HEPH: variants seen among roughly 807,000 people sequenced by gnomAD.
HEPH encodes hephaestin.
A neutral mutation model predicts 80.8 loss-of-function variants in HEPH; 69 were observed. That is an observed-to-expected ratio of 0.85 (90% CI 0.70 to 1.04). The LOEUF (loss-of-function observed/expected upper bound fraction) is 1.04, where lower values mean the gene tolerates loss of function less well. Ranked by LOEUF, HEPH falls within the 50% of genes least tolerant of loss-of-function variation. HEPH has a pLI of 0.00. For synonymous variants in HEPH, 431 were observed against 322.8 expected (o/e 1.34, Z -3.60); for missense variants, 1,115 against 891.3 (o/e 1.25, Z -3.20).
chrX:66,261,001 CCTT>C (rs1398886805), intron 19 of HEPH, among the ~76,000 whole-genome samples: 1 of 111,937 alleles, frequency 8.9e-6, no homozygotes, highest in South Asian at 3.7e-4. Flanking sequence ...CTCTTGGCCT[CCTT>C]CTGCAGCAGC....
At chrX:66,235,941 G>A (rs1376801211) in intron 15 of HEPH, among the ~76,000 whole-genome samples, 1 of 111,645 alleles carries the variant, frequency 9.0e-6, no homozygotes, top group African/African-American at 3.3e-5. Flanking sequence ...TGTTGTTGGT[G>A]TATAGGAATG....
At chrX:66,162,910 C>T, upstream of HEPH, 1 of 1,130,715 alleles carries the variant, frequency 8.8e-7, no homozygotes, top group Non-Finnish European at 1.2e-6. Flanking sequence ...CCCCATCATA[C>T]CTGTCCCCTT....
At chrX:66,225,600 T>A (rs1186749017) in intron 15 of HEPH, among the ~76,000 whole-genome samples, 2 of 112,551 alleles carry the variant, frequency 1.8e-5, no homozygotes, top group African/African-American at 3.2e-5. Flanking sequence ...GGACTCCAGG[T>A]GCCATTTCCT....
At chrX:66,186,936 C>A (rs1232600248) in intron 4 of HEPH, among the ~76,000 whole-genome samples, 1 of 110,650 alleles carries the variant, frequency 9.0e-6, no homozygotes, top group Non-Finnish European at 1.9e-5. Flanking sequence ...ATTCTTTTTT[C>A]TTTGTCTTTG....
chrX:66,189,731 G>A lies in HEPH; in HGVS notation c.856G>A (p.Ala286Thr), dbSNP rs917813545. The A allele has an allele frequency of 5.0e-6, 6 of 1,210,976 alleles. No homozygotes were observed. Among genetic ancestry groups the A allele is most frequent in the Admixed American group, 4.3e-5 (2 of 45,985 alleles). ...GAATTTACCTGAGCTGAACATGTGT[G>A]CACAGAAACGTGTGGCCTGGCACTT... is the stretch of plus-strand genomic sequence containing the variant. ...FGNLPELNMC[A>T]QKRVAWHLFG... Residue 286 changes from alanine (A) to threonine (T), a missense_variant, in exon 6 of 21, where the codon GCA (alanine) becomes ACA (threonine). Ala to Thr is a moderately conservative substitution (Grantham distance 58, BLOSUM62 0). Around this residue, in one of 3 missense-constraint regions of HEPH, gnomAD observed 391 missense variants for 343.6 expected, o/e 1.14. Transcript: ENST00000343002.
intron 15 of HEPH, among the ~76,000 whole-genome samples, chrX:66,219,941 G>C (rs1310277468): frequency 9.0e-6 from 1 of 111,542 alleles, no homozygotes; most frequent in African/African-American, 3.3e-5. Context: ...TTCTTAGTGT[G>C]GTTTGAACTC....
intron 13 of HEPH, among the ~76,000 whole-genome samples, chrX:66,204,518 A>G (rs1435486258): frequency 8.9e-6 from 1 of 112,444 alleles, no homozygotes; most frequent in East Asian, 2.8e-4. Flanking sequence ...TAGACATACA[A>G]TTATGAAAAC....
intron 15 of HEPH, among the ~76,000 whole-genome samples, chrX:66,241,372 A>T (rs2090572093): frequency 1.8e-5 from 2 of 111,749 alleles, no homozygotes; most frequent in African/African-American, 6.5e-5. Flanking sequence ...CCCAACTCAC[A>T]TGCAATGACA....
chrX:66,199,215 T>A (rs923700617), intron 11 of HEPH, among the ~76,000 whole-genome samples, 187 bp downstream of exon 11: 1 of 112,212 alleles, frequency 8.9e-6, no homozygotes, highest in Non-Finnish European at 1.9e-5. Flanking sequence ...TGCTGTGTCC[T>A]GTGTTACACA....
chrX:66,165,436 A>G (rs1168544261), intron 1 of HEPH, among the ~76,000 whole-genome samples: 1 of 111,705 alleles, frequency 9.0e-6, no homozygotes, highest in Non-Finnish European at 1.9e-5. Context: ...AGGGCCCCAA[A>G]GATGGCTCAG....
At chrX:66,246,409 A>G (rs1173961615) in intron 15 of HEPH, among the ~76,000 whole-genome samples, 2 of 111,394 alleles carry the variant, frequency 1.8e-5, no homozygotes, top group Admixed American at 9.5e-5. Context: ...GCCCTGTCTG[A>G]TGAGGGGCAG....
chrX:66,244,159 A>T (rs1236174696), intron 15 of HEPH, among the ~76,000 whole-genome samples: 1 of 111,540 alleles, frequency 9.0e-6, no homozygotes, highest in Non-Finnish European at 1.9e-5. Flanking sequence ...CACTAGGAAT[A>T]GTCATCTTGT....
Position 66,260,080 on chromosome X carries a change from A to C in HEPH, c.3037-20A>C, listed in dbSNP as rs2091309015. 5.0e-6 allele frequency: 6 copies of C among 1,197,423 alleles called. No individual in the cohort carries two copies. Among genetic ancestry groups the C allele is most frequent in the Non-Finnish European group, 6.8e-6 (6 of 886,356 alleles). ...TTATACCCTTCACTTCCTCTCCCTCATTCCCAATCTCTCTTGCAGAATGGC... is the reference window on the plus strand; with the variant it reads ...TTATACCCTTCACTTCCTCTCCCTCCTTCCCAATCTCTCTTGCAGAATGGC... On this transcript the variant is annotated intron_variant, in intron 18 of 20. Coordinates refer to ENST00000343002, the MANE Select transcript of HEPH (RefSeq NM_001367233.3).
chrX:66,233,671 C>G (rs2090246732), intron 15 of HEPH, among the ~76,000 whole-genome samples: 1 of 110,215 alleles, frequency 9.1e-6, no homozygotes, highest in Admixed American at 9.8e-5. Flanking sequence ...ATCTGTGCAT[C>G]TAGTATTAGA....
At chrX:66,239,240 G>T (rs182602775) in intron 15 of HEPH, among the ~76,000 whole-genome samples, 1 of 111,809 alleles carries the variant, frequency 8.9e-6, no homozygotes, top group South Asian at 3.8e-4. Context: ...GCTCCTTGTC[G>T]GTTCAACTCA....
Position 66,195,073 on chromosome X carries a change from A to G in HEPH, c.1370-25A>G, listed in dbSNP as rs186829483. Reference sequence around the variant, plus strand: ...CCTGTTTATCCCTTTCATCATTCTCATTGTCTCTCCTTCCCATTTTCCAGG... The same window carrying G: ...CCTGTTTATCCCTTTCATCATTCTCGTTGTCTCTCCTTCCCATTTTCCAGG... On this transcript the variant is annotated intron_variant, in intron 8 of 20. Transcript: ENST00000343002. 905 of 1,130,738 alleles carry G rather than the reference A, an allele frequency of 8.0e-4. 3 individuals carry two copies. The Middle Eastern group carries it at 9.6e-3, about 12-fold the overall frequency. 93.2% of individuals were successfully genotyped at this position (1,130,738 alleles called of 1,213,427 possible).
chrX:66,244,776 G>A (rs1428224468), intron 15 of HEPH, among the ~76,000 whole-genome samples: 1 of 111,051 alleles, frequency 9.0e-6, no homozygotes, highest in Non-Finnish European at 1.9e-5. Flanking sequence ...TTTCATCTGT[G>A]TAGGCTGATG....
At chrX:66,186,232 C>A (rs1328532621) in intron 4 of HEPH, among the ~76,000 whole-genome samples, 5 of 94,883 alleles carry the variant, frequency 5.3e-5, no homozygotes, top group Non-Finnish European at 1.0e-4. Flanking sequence ...GGGCTCCCCC[C>A]AGTTCGAGCT....
intron 7 of HEPH, 141 bp downstream of exon 7, chrX:66,192,439 C>A: frequency 1.5e-6 from 1 of 654,387 alleles, no homozygotes; most frequent in Non-Finnish European, 2.3e-6. Flanking sequence ...CAACTGTTAG[C>A]CAAGTTCTTG....
Sources: allele counts gnomAD v4.1 joint callset (sites outside exome capture counted in the v4.1 genomes callset), GRCh38; gene constraint gnomAD v4.1.1; regional missense constraint gnomAD v4.1.1; transcripts MANE v1.5; gene names NCBI Gene and HGNC (gene_info 2026-07-23, HGNC 2026-07-21).